Variants in N4BP2L2 observed in about 807,000 individuals in gnomAD.
N4BP2L2 encodes NEDD4 binding protein 2 like 2.
Under a neutral mutation model 56.2 loss-of-function variants are expected in N4BP2L2, and 50 were observed. The observed-to-expected ratio is 0.89, with a 90% CI of 0.71 to 1.13. The LOEUF (loss-of-function observed/expected upper bound fraction) is 1.13. Among genes scored for constraint, N4BP2L2 ranks in the 50% most tolerant of loss-of-function variants. The pLI is 0.00. For missense variants in N4BP2L2, 689 were observed against 693.8 expected, an observed-to-expected ratio of 0.99 and a Z score of 0.08; for synonymous variants, 203 against 223.6, an observed-to-expected ratio of 0.91 and a Z score of 0.82.
rs150286159 is a variant in N4BP2L2 at position 32,437,053 on chromosome 13, T to G, written c.2191-648A>C. 6.1e-3 allele frequency among the ~76,000 whole-genome samples: 926 copies of G among 151,960 alleles called. 29 individuals carry two copies. In the East Asian group the frequency reaches 0.088, roughly 14 times the overall value. ...GTGCCACCACACACGGCTAATTTTT[T>G]TGTGTTTTTAGTAGAGACAGGGTTT... On this transcript the variant is annotated intron_variant, in intron 8 of 9. Coordinates refer to the N4BP2L2 transcript ENST00000357505.
chr13:32,451,066 G>C (rs188193141), intron 6 of N4BP2L2, among the ~76,000 whole-genome samples: 5 of 152,106 alleles, frequency 3.3e-5, no homozygotes, highest in Admixed American at 3.3e-4. Flanking sequence ...CATTAAAAAG[G>C]AAAGACACAA....
chr13:32,444,092 T>C, exon 7 of N4BP2L2: 3 of 1,565,346 alleles, frequency 1.9e-6, no homozygotes, highest in Non-Finnish European at 2.6e-6. Flanking sequence ...TTGGTTTTGC[T>C]GAGCCTATGC....
intron 2 of N4BP2L2, among the ~76,000 whole-genome samples, chr13:32,527,779 C>A (rs76359025): frequency 5.0e-5 from 7 of 139,420 alleles, no homozygotes; most frequent in African/African-American, 1.8e-4. Flanking sequence ...AACAGAAACT[C>A]TTTTTTTTTT....
At chr13:32,530,231 T>A (rs944773587) in intron 2 of N4BP2L2, among the ~76,000 whole-genome samples, 13 of 152,080 alleles carry the variant, frequency 8.5e-5, no homozygotes, top group African/African-American at 3.1e-4. Context: ...AGTAAATAAG[T>A]TTAACTTGAA....
chr13:32,490,854 C>T (rs769372340), intron 6 of N4BP2L2, among the ~76,000 whole-genome samples: 4 of 152,120 alleles, frequency 2.6e-5, no homozygotes, highest in Admixed American at 6.6e-5. Context: ...ACTTGCCCAC[C>T]GCTCACCTCC....
intron 6 of N4BP2L2, among the ~76,000 whole-genome samples, chr13:32,490,585 G>A (rs1312276613): frequency 1.3e-5 from 2 of 152,208 alleles, no homozygotes; most frequent in Non-Finnish European, 2.9e-5. Context: ...CATTACAGGC[G>A]TGAGCCACTG....
intron 6 of N4BP2L2, among the ~76,000 whole-genome samples, chr13:32,471,111 T>A (rs1456803641): frequency 6.6e-6 from 1 of 152,196 alleles, no homozygotes; most frequent in African/African-American, 2.4e-5. Flanking sequence ...AGGCAGTTTA[T>A]CAAAGCTTAT....
exon 2 of N4BP2L2, chr13:32,536,595 C>T: frequency 6.2e-7 from 1 of 1,613,874 alleles, no homozygotes. Flanking sequence ...CCATTTAGAA[C>T]ATGTGCCTCA....
intron 7 of N4BP2L2, chr13:32,442,295 A>C: frequency 9.1e-7 from 1 of 1,097,464 alleles, no homozygotes; most frequent in Non-Finnish European, 1.3e-6. Context: ...AATAAACTGC[A>C]TGAGATCACT....
chr13:32,535,892 T>G (rs1398955359), exon 2 of N4BP2L2: 2 of 1,614,012 alleles, frequency 1.2e-6, no homozygotes, highest in Non-Finnish European at 1.7e-6. Context: ...ATTATGCTTG[T>G]CCATACAATG....
intron 6 of N4BP2L2, among the ~76,000 whole-genome samples, chr13:32,490,888 A>G (rs1272871233): frequency 1.3e-5 from 2 of 152,124 alleles, no homozygotes; most frequent in Non-Finnish European, 2.9e-5. Context: ...AGTTCCCAAC[A>G]GGTCAGGTCC....
At chr13:32,476,433 A>G (rs1228284226) in intron 6 of N4BP2L2, among the ~76,000 whole-genome samples, 1 of 152,174 alleles carries the variant, frequency 6.6e-6, no homozygotes, top group Non-Finnish European at 1.5e-5. Flanking sequence ...TGCTGAGTGG[A>G]TTAGGGTAGG....
In N4BP2L2 at chr13:32,443,128, G is replaced by A. The variant is rs748753355; in HGVS notation, c.1364C>T (p.Pro455Leu). 1.0e-4 allele frequency: 168 copies of A among 1,613,348 alleles called. 1 individual carries two copies. The highest frequency in any genetic ancestry group is 1.4e-4 in the Non-Finnish European group (163 of 1,179,788). Reference sequence around the variant, plus strand: ...GGCATTCTTTGGTATATCCGGTTGAGGTAAGCAGCTTCTGAAGAGGTTTGT... The same window carrying A: ...GGCATTCTTTGGTATATCCGGTTGAAGTAAGCAGCTTCTGAAGAGGTTTGT... Residue 455 changes from proline to leucine, a missense_variant, in exon 7 of 10, where the codon CCT (proline) becomes CTT (leucine). Physicochemically the swap from Pro to Leu is moderately conservative, Grantham distance 98 (BLOSUM62 -3). Coordinates refer to the N4BP2L2 transcript ENST00000357505.
chr13:32,482,491 A>C (rs766909745), intron 6 of N4BP2L2, among the ~76,000 whole-genome samples: 1 of 151,418 alleles, frequency 6.6e-6, no homozygotes, highest in Admixed American at 6.6e-5. Context: ...CCTCCTAAGG[A>C]GCTGGGACTA....
intron 6 of N4BP2L2, among the ~76,000 whole-genome samples, chr13:32,464,715 T>C (rs1401112657): frequency 2.6e-5 from 4 of 152,156 alleles, no homozygotes; most frequent in Admixed American, 2.0e-4. Flanking sequence ...TTACTAGATA[T>C]AGACTACTGA....
At chr13:32,535,556 T>C (rs1303649009) in intron 2 of N4BP2L2, among the ~76,000 whole-genome samples, 2 of 152,204 alleles carry the variant, frequency 1.3e-5, no homozygotes, top group Non-Finnish European at 2.9e-5. Flanking sequence ...ACAAGTATCA[T>C]TATAGTTCTA....
chr13:32,440,158 G>C (rs1191374371), intron 7 of N4BP2L2, among the ~76,000 whole-genome samples: 1 of 152,154 alleles, frequency 6.6e-6, no homozygotes, highest in Admixed American at 6.5e-5. Flanking sequence ...TGACTCCTTG[G>C]CCCTAGGACT....
chr13:32,513,495 T>C (rs1461063719), exon 6 of N4BP2L2: 1 of 152,192 alleles, frequency 6.6e-6, no homozygotes, highest in East Asian at 1.9e-4. Flanking sequence ...AAGATTTGTA[T>C]GCCAGTCTTA....
chr13:32,537,002 T>C, exon 2 of N4BP2L2: 1 of 1,580,504 alleles, frequency 6.3e-7, no homozygotes, highest in Non-Finnish European at 8.6e-7. Context: ...TCCCAAGAAT[T>C]TACCTTCAAT....
Sources: gnomAD v4.1 joint callset for allele counts (sites outside exome capture counted in the v4.1 genomes callset) on GRCh38, gnomAD v4.1.1 for gene constraint, MANE v1.5 for transcripts, NCBI Gene and HGNC (gene_info 2026-07-23, HGNC 2026-07-21) for gene names.